Variants in ZNF827 observed in about 807,000 individuals in gnomAD.
ZNF827 encodes the protein zinc finger protein 827.
In ZNF827, 13 loss-of-function variants were observed where a neutral mutation model predicts 102.4. That is an observed-to-expected ratio of 0.13 (90% CI 0.08 to 0.20). The LOEUF (loss-of-function observed/expected upper bound fraction) is 0.20. Among genes scored for constraint, ZNF827 ranks in the 10% least tolerant of loss-of-function variants. The pLI is 1.00. For synonymous variants in ZNF827, 523 were observed against 536.2 expected (o/e 0.98, Z 0.34); for missense variants, 1,103 against 1,344.4 (o/e 0.82, Z 2.81).
In ZNF827 at chr4:145,903,174, C is replaced by T; in HGVS notation, c.85G>A (p.Gly29Arg). Reference protein sequence around the residue: ...QEEAEGELSEGEHWYGNSSET... With the variant: ...QEEAEGELSEREHWYGNSSET... ...GAAGAGTTTCCATACCAGTGTTCTC[C>T]TTCACTGAGCTCTCCCTCCGCCTCT... The change falls in exon 2 of 15, where the codon GGA (glycine) becomes AGA (arginine). Residue 29 changes from glycine to arginine, a missense_variant. By Grantham distance (125) the Gly-to-Arg change is moderately radical. Around this residue, in one of 5 missense-constraint regions of ZNF827, gnomAD observed 441 missense variants for 458.6 expected, o/e 0.96. Transcript: ENST00000508784. The T allele has an allele frequency of 1.9e-6, 3 of 1,613,424 alleles. No homozygotes were observed. Among genetic ancestry groups the T allele is most frequent in the Non-Finnish European group, 2.5e-6 (3 of 1,179,466 alleles).
Position 145,902,658 on chromosome 4 carries a change from T to G in ZNF827, c.601A>C (p.Thr201Pro), listed in dbSNP as rs1579523333. 1 of 1,614,006 alleles carries G rather than the reference T, an allele frequency of 6.2e-7. No individual in the cohort carries two copies. The highest frequency in any genetic ancestry group is 8.5e-7 in the Non-Finnish European group (1 of 1,180,020). ...TCCGGAGACAAGCTGCAGGTGGTGG[T>G]TGAGTTTGGCAACCACTTACCTTGA... ...WNQGKWLPNS[T>P]TTCSLSPDSA... is the part of the protein sequence containing the mutation. Residue 201 changes from threonine to proline, a missense_variant, in exon 2 of 15, where the codon ACC becomes CCC. Transcript: ENST00000508784. This position sits in a 1 kb window ranked among gnomAD's most constrained non-coding sequence, Gnocchi z 4.3.
intron 8 of ZNF827, among the ~76,000 whole-genome samples, chr4:145,786,680 G>T (rs1738912582): frequency 6.6e-6 from 1 of 152,182 alleles, no homozygotes; most frequent in Non-Finnish European, 1.5e-5. Flanking sequence ...GGTTTCATGG[G>T]TTCTGCATGG....
chr4:145,937,079 T>C (rs1036037705), intron 1 of ZNF827, among the ~76,000 whole-genome samples: 1 of 152,136 alleles, frequency 6.6e-6, no homozygotes, highest in Admixed American at 6.5e-5. Context: ...TAGTTGCTTC[T>C]TTCTCCTTCA....
intron 2 of ZNF827, among the ~76,000 whole-genome samples, chr4:145,901,220 G>A (rs548230176): frequency 1.3e-5 from 2 of 152,144 alleles, no homozygotes; most frequent in African/African-American, 2.4e-5. Context: ...TGTTTGTACC[G>A]ATGAGGATGC....
chr4:145,835,783 C>T (rs926995461), intron 7 of ZNF827, among the ~76,000 whole-genome samples: 14 of 138,428 alleles, frequency 1.0e-4, no homozygotes, highest in African/African-American at 3.8e-4. Context: ...TGTTATCACT[C>T]ACCTGCTACA....
At chr4:145,878,739 G>C (rs901557115) in intron 4 of ZNF827, among the ~76,000 whole-genome samples, 2 of 151,336 alleles carry the variant, frequency 1.3e-5, no homozygotes, top group Admixed American at 1.3e-4. Context: ...GAGAGAGGAA[G>C]GGAGGAAGGG....
intron 13 of ZNF827, 134 bp downstream of exon 13, chr4:145,764,850 GGTTC>G: frequency 8.8e-7 from 1 of 1,131,612 alleles, no homozygotes; most frequent in Non-Finnish European, 1.3e-6. Context: ...AGGCAGCAGG[GGTTC>G]CTGACTAACT....
chr4:145,903,626 C>T (rs4835267), intron 1 of ZNF827, among the ~76,000 whole-genome samples: 21,256 of 152,084 alleles, frequency 0.14, 2,127 homozygotes, highest in East Asian at 0.36. Context: ...GGACACAGAC[C>T]GTGAGACACA....
chr4:145,906,116 C>T (rs1579534813), intron 1 of ZNF827, among the ~76,000 whole-genome samples: 1 of 152,216 alleles, frequency 6.6e-6, no homozygotes, highest in Non-Finnish European at 1.5e-5. Flanking sequence ...ATCAAAGACA[C>T]ACGACCACGT....
intron 3 of ZNF827, among the ~76,000 whole-genome samples, chr4:145,891,360 G>C (rs1332421813): frequency 6.6e-6 from 1 of 152,192 alleles, no homozygotes; most frequent in Non-Finnish European, 1.5e-5. Flanking sequence ...TGCATAATAA[G>C]ATTTCAATTC....
intron 6 of ZNF827, 97 bp downstream of exon 6, chr4:145,849,225 C>G: frequency 6.9e-7 from 1 of 1,442,518 alleles, no homozygotes; most frequent in Non-Finnish European, 9.2e-7. Flanking sequence ...TCTAAAAAAT[C>G]CTATAATTCA....
In ZNF827 at chr4:145,763,043, T is replaced by C. The variant is rs1428417245; in HGVS notation, c.*17+47A>G. On this transcript the variant is annotated intron_variant, in intron 14 of 14. Transcript: ENST00000508784. This position sits in a 1 kb window ranked among gnomAD's most constrained non-coding sequence, Gnocchi z 4.6. Reference sequence around the variant, plus strand: ...CACACGAGAGAAATATAAAGCCCATTCCCAGGTCAGGTGCACACACAACCC... The same window carrying C: ...CACACGAGAGAAATATAAAGCCCATCCCCAGGTCAGGTGCACACACAACCC... 8 of 1,506,214 alleles carry C rather than the reference T, an allele frequency of 5.3e-6. No individual in the cohort carries two copies. Among genetic ancestry groups the C allele is most frequent in the Non-Finnish European group, 7.1e-6 (8 of 1,123,782 alleles). The allele number at this position is 1,506,214 out of a possible 1,614,324, so 93.3% of individuals were successfully genotyped here. A position where few individuals can be genotyped will look rare whatever the true frequency, so the allele number is the denominator to read the frequency against.
In ZNF827 at chr4:145,802,508, G is replaced by T. The variant is rs563593172; in HGVS notation, c.2383+20914C>A. 2.0e-5 allele frequency among the ~76,000 whole-genome samples: 3 copies of T among 152,344 alleles called. No individual in the cohort carries two copies. The South Asian group carries it at 6.2e-4, about 32-fold the overall frequency. On this transcript the variant is annotated intron_variant, in intron 8 of 14. Coordinates refer to ENST00000508784, the MANE Select transcript of ZNF827 (RefSeq NM_001306215.2). Reference sequence around the variant, plus strand: ...GCAGCTGGCACAAAGGTGGGAGCAGGGGTGCATGAGGGAGTTCTCAGGTCT... The same window carrying T: ...GCAGCTGGCACAAAGGTGGGAGCAGTGGTGCATGAGGGAGTTCTCAGGTCT...
At position 145,849,177 on chromosome 4, in the gene ZNF827, T is replaced by C. The variant is rs1579366228; in HGVS notation, c.2221+145A>G. 2.6e-5 allele frequency: 24 copies of C among 937,296 alleles called. No homozygotes were observed. In the South Asian group the frequency reaches 4.2e-4, roughly 16 times the overall value. 58.1% of individuals were successfully genotyped at this position (937,296 alleles called of 1,614,324 possible). On this transcript the variant is annotated intron_variant, in intron 6 of 14. Coordinates refer to ENST00000508784, the MANE Select transcript of ZNF827 (RefSeq NM_001306215.2). Reference sequence around the variant, plus strand: ...ACACTTTATTAACTGTTAGTTTGGGTGGCAGTATGCATGTTAAAGCAACAA... The same window carrying C: ...ACACTTTATTAACTGTTAGTTTGGGCGGCAGTATGCATGTTAAAGCAACAA...
At chr4:145,924,612 G>A (rs1225362069) in intron 1 of ZNF827, among the ~76,000 whole-genome samples, 2 of 152,184 alleles carry the variant, frequency 1.3e-5, no homozygotes, top group Non-Finnish European at 2.9e-5. Flanking sequence ...CCATCCACCT[G>A]AGTTTGGTTT....
intron 6 of ZNF827, among the ~76,000 whole-genome samples, chr4:145,848,734 C>T (rs904940305): frequency 2.0e-5 from 3 of 152,158 alleles, no homozygotes; most frequent in Non-Finnish European, 2.9e-5. Flanking sequence ...TTCATCCAGA[C>T]ACCTCACTGA....
rs771073905 is a variant in ZNF827 at position 145,849,531 on chromosome 4, T to G, written c.2012A>C (p.Lys671Thr). The G allele has an allele frequency of 6.2e-7, 1 of 1,614,230 alleles. No individual in the cohort carries two copies. The highest frequency in any genetic ancestry group is 2.2e-5 in the East Asian group (1 of 44,888). ...AESYKETQMVKIKEEPMEVDI... is the reference protein window; with the variant it reads ...AESYKETQMVTIKEEPMEVDI... ...AACCTCCATGGGTTCCTCTTTAATC[T>G]TCACCATCTGTGTTTCCTTGTAGCT... The change falls in exon 6 of 15, where the codon AAG becomes ACG. Residue 671 changes from lysine (K) to threonine (T), a missense_variant. Coordinates refer to ENST00000508784, the MANE Select transcript of ZNF827 (RefSeq NM_001306215.2).
chr4:145,937,225 G>T (rs1049520870), intron 1 of ZNF827, among the ~76,000 whole-genome samples: 1 of 152,086 alleles, frequency 6.6e-6, no homozygotes, highest in Non-Finnish European at 1.5e-5. Flanking sequence ...AGGGACCGGG[G>T]GCGCGGGTGG....
intron 8 of ZNF827, among the ~76,000 whole-genome samples, chr4:145,794,614 AGGATG>A (rs1740181258): frequency 6.6e-6 from 1 of 151,956 alleles, no homozygotes; most frequent in Non-Finnish European, 1.5e-5. Context: ...GGGATGGGAT[AGGATG>A]GGATGGGATG....
Sources: allele counts gnomAD v4.1 joint callset (sites outside exome capture counted in the v4.1 genomes callset), GRCh38; gene constraint gnomAD v4.1.1; regional missense constraint gnomAD v4.1.1; non-coding constraint Gnocchi (gnomAD v3.1); transcripts MANE v1.5; gene names NCBI Gene and HGNC (gene_info 2026-07-23, HGNC 2026-07-21).